Variants in CHKA observed in about 807,000 individuals in gnomAD.
CHKA encodes choline kinase alpha, also known as CHETK-alpha.
A neutral mutation model predicts 60.1 loss-of-function variants in CHKA; 34 were observed. The observed-to-expected ratio is 0.57, with a 90% CI of 0.43 to 0.75. The LOEUF is 0.75. CHKA is among the 30% of genes least tolerant of loss of function. CHKA has a pLI of 0.00. For missense variants in CHKA, 563 were observed against 561.3 expected, an observed-to-expected ratio of 1.00 and a Z score of -0.03; for synonymous variants, 217 against 223.1, an observed-to-expected ratio of 0.97 and a Z score of 0.24.
At chr11:68,066,238 T>C (rs918283791) in intron 8 of CHKA, among the ~76,000 whole-genome samples, 191 bp downstream of exon 8, 1 of 152,176 alleles carries the variant, frequency 6.6e-6, no homozygotes, top group Non-Finnish European at 1.5e-5. Flanking sequence ...CGCTGTCTGC[T>C]AGGAACAAAG....
At chr11:68,099,833 T>C (rs1476520128) in intron 1 of CHKA, among the ~76,000 whole-genome samples, 1 of 152,210 alleles carries the variant, frequency 6.6e-6, no homozygotes, top group Admixed American at 6.5e-5. Flanking sequence ...CTGTTCTAAA[T>C]TGTGTAACCT....
chr11:68,120,354 C>T (rs1299735797), intron 1 of CHKA, among the ~76,000 whole-genome samples: 1 of 152,188 alleles, frequency 6.6e-6, no homozygotes, highest in Non-Finnish European at 1.5e-5. Flanking sequence ...TGCTACTCCT[C>T]CACTAACAAT....
chr11:68,061,890 A>C, intron 11 of CHKA, 63 bp downstream of exon 11: 1 of 1,137,088 alleles, frequency 8.8e-7, no homozygotes, highest in African/African-American at 1.6e-5. Flanking sequence ...ATTCACAAAT[A>C]CTATAGCATT....
intron 4 of CHKA, among the ~76,000 whole-genome samples, chr11:68,072,451 G>A (rs1410429647): frequency 1.3e-5 from 2 of 151,710 alleles, no homozygotes; most frequent in Non-Finnish European, 2.9e-5. Context: ...GGAGGCTGAG[G>A]TGAGAGGATC....
At chr11:68,100,546 T>C (rs887855661) in intron 1 of CHKA, among the ~76,000 whole-genome samples, 1 of 151,810 alleles carries the variant, frequency 6.6e-6, no homozygotes, top group Non-Finnish European at 1.5e-5. Flanking sequence ...GCCGAGATTG[T>C]GCCATTGCAC....
At chr11:68,112,332 C>T (rs1034211807) in intron 1 of CHKA, among the ~76,000 whole-genome samples, 1 of 152,080 alleles carries the variant, frequency 6.6e-6, no homozygotes, top group African/African-American at 2.4e-5. Flanking sequence ...TCCAGGCTCA[C>T]TGCAACCTCC....
At chr11:68,097,277 A>G in intron 1 of CHKA, 147 bp from the exon 2 acceptor site, 1 of 531,778 alleles carries the variant, frequency 1.9e-6, no homozygotes, top group Non-Finnish European at 3.2e-6. Flanking sequence ...TCCATGAGTC[A>G]CATTAAAAAC....
chr11:68,061,697 G>A, intron 11 of CHKA: 1 of 546,658 alleles, frequency 1.8e-6, no homozygotes, highest in South Asian at 1.5e-5. Context: ...TGAAGCAGGG[G>A]AGGCAAGGTC....
At chr11:68,099,274 A>G (rs1033214679) in intron 1 of CHKA, among the ~76,000 whole-genome samples, 51 of 152,366 alleles carry the variant, frequency 3.3e-4, no homozygotes, top group African/African-American at 1.0e-3. Flanking sequence ...CTGTGATTAC[A>G]CTAAAAGCCA....
rs980550479 is a variant in CHKA at position 68,081,298 on chromosome 11, G to C, written c.516+106C>G. 9.4e-6 allele frequency: 8 copies of C among 847,444 alleles called. No individual in the cohort carries two copies. In the African/African-American group the frequency reaches 1.4e-4, roughly 14 times the overall value. The allele number at this position is 847,444 out of a possible 1,614,324, so 52.5% of individuals were successfully genotyped here. A position where few individuals can be genotyped will look rare whatever the true frequency, so the allele number is the denominator to read the frequency against. ...CCCCTCCTCGTAGAAAGATAGATCA[G>C]GATTTTCCAAGGGTAGATAAGAGGC... On this transcript the variant is annotated intron_variant, in intron 3 of 11. Coordinates refer to ENST00000265689, the MANE Select transcript of CHKA (RefSeq NM_001277.3).
intron 1 of CHKA, among the ~76,000 whole-genome samples, chr11:68,104,490 G>A (rs1421683918): frequency 1.3e-5 from 2 of 151,782 alleles, no homozygotes; most frequent in African/African-American, 2.4e-5. Context: ...GTGCAATCTC[G>A]GCTCACCGCA....
At chr11:68,074,900 C>T (rs965143466) in intron 3 of CHKA, 70 bp from the exon 4 acceptor site, 80 of 1,403,512 alleles carry the variant, frequency 5.7e-5, no homozygotes, top group Non-Finnish European at 1.0e-5. Flanking sequence ...GAAGCACTCT[C>T]ACAGGAGTGT....
At chr11:68,084,382 A>G (rs1252397725) in intron 2 of CHKA, among the ~76,000 whole-genome samples, 29 of 126,540 alleles carry the variant, frequency 2.3e-4, no homozygotes, top group Non-Finnish European at 2.8e-4. Context: ...GTATATGTGT[A>G]TATATATACA....
At chr11:68,061,544 C>T (rs1488802623) in intron 11 of CHKA, 3 of 301,190 alleles carry the variant, frequency 1.0e-5, no homozygotes, top group African/African-American at 2.2e-5. Context: ...AAGTGGTAAC[C>T]GATAAATAAA....
chr11:68,073,964 A>G (rs1856703992), intron 4 of CHKA, among the ~76,000 whole-genome samples: 1 of 152,200 alleles, frequency 6.6e-6, no homozygotes, highest in African/African-American at 2.4e-5. Flanking sequence ...AGCATTGCCA[A>G]TCAAAGAAGT....
At chr11:68,098,288 A>G (rs959890086) in intron 1 of CHKA, among the ~76,000 whole-genome samples, 21 of 150,286 alleles carry the variant, frequency 1.4e-4, no homozygotes, top group African/African-American at 4.1e-4. Context: ...AAAAAAAAAA[A>G]AAAAGAAAAA....
intron 1 of CHKA, among the ~76,000 whole-genome samples, chr11:68,102,148 T>C (rs1019287149): frequency 6.7e-6 from 1 of 150,114 alleles, no homozygotes; most frequent in Non-Finnish European, 1.5e-5. Flanking sequence ...AAGCAATCTA[T>C]ACATTCAATG....
chr11:68,065,562 G>A (rs941023314), intron 9 of CHKA, among the ~76,000 whole-genome samples: 5 of 152,036 alleles, frequency 3.3e-5, no homozygotes, highest in African/African-American at 7.2e-5. Flanking sequence ...TTAGCTGGGC[G>A]TGGTGGCATG....
intron 3 of CHKA, among the ~76,000 whole-genome samples, chr11:68,081,157 T>C (rs1013686012): frequency 1.3e-5 from 2 of 152,198 alleles, no homozygotes; most frequent in Admixed American, 1.3e-4. Flanking sequence ...ATCCGAATGC[T>C]GTTTCGATTG....
Sources: gnomAD v4.1 joint callset for allele counts (sites outside exome capture counted in the v4.1 genomes callset) on GRCh38, gnomAD v4.1.1 for gene constraint, MANE v1.5 for transcripts, NCBI Gene and HGNC (gene_info 2026-07-23, HGNC 2026-07-21) for gene names.